DNAJC7: variants seen among roughly 807,000 people sequenced by gnomAD.
The protein encoded by DNAJC7 is dnaJ homolog subfamily C member 7.
Under a neutral mutation model 67.4 loss-of-function variants are expected in DNAJC7, and 18 were observed. The observed-to-expected ratio is 0.27, with a 90% confidence interval of 0.18 to 0.40. DNAJC7 has a LOEUF of 0.40. DNAJC7 is among the 10% of genes least tolerant of loss of function. The probability of loss-of-function intolerance (pLI) is 1.00; values close to 1 mark genes in which losing one functional copy is unlikely to be tolerated. For missense variants in DNAJC7, 419 were observed against 613.8 expected, an observed-to-expected ratio of 0.68 and a Z score of 3.35; for synonymous variants, 220 against 207.8, an observed-to-expected ratio of 1.06 and a Z score of -0.50.
At chr17:41,990,226 A>G (rs1009591292) in intron 6 of DNAJC7, 38 bp downstream of exon 6, 86 of 1,542,990 alleles carry the variant, frequency 5.6e-5, no homozygotes, top group Non-Finnish European at 7.3e-5. Flanking sequence ...GTCCAATGGT[A>G]TCTGGCATTT....
At chr17:42,015,988 A>G (rs1412058613) in intron 1 of DNAJC7, 4 of 152,226 alleles carry the variant, frequency 2.6e-5, no homozygotes, top group Non-Finnish European at 5.9e-5. Context: ...TTTGTTTCCC[A>G]TTGTGCAGCT....
At chr17:42,006,623 C>T (rs1364985108) in intron 1 of DNAJC7, among the ~76,000 whole-genome samples, 1 of 149,836 alleles carries the variant, frequency 6.7e-6, no homozygotes, top group Non-Finnish European at 1.5e-5. Flanking sequence ...ATGGTGAAAC[C>T]CCATCTCTAC....
intron 12 of DNAJC7, chr17:41,981,497 T>G: frequency 5.4e-6 from 1 of 185,560 alleles, no homozygotes; most frequent in Non-Finnish European, 1.1e-5. Flanking sequence ...CCCAGCCTAA[T>G]TTTTGTATTT....
intron 1 of DNAJC7, among the ~76,000 whole-genome samples, chr17:42,010,235 G>C (rs2052080106): frequency 6.6e-6 from 1 of 151,158 alleles, no homozygotes. Context: ...TATAATCCCA[G>C]CACTTTGGGA....
At position 42,017,360 on chromosome 17, in the gene DNAJC7, G is replaced by C. The variant is rs199672436; in HGVS notation, c.57C>G (p.Leu19=). 1.2e-6 allele frequency: 2 copies of C among 1,611,186 alleles called. No homozygotes were observed. Among genetic ancestry groups the C allele is most frequent in the Non-Finnish European group, 1.7e-6 (2 of 1,179,870 alleles). ...GTTACCTCTTCGCCTCTTGGTCGTC[G>C]AGCAGCTCCGGCTCGGTCGCCGCCA... ...VVMAATEPEL[L]DDQEAKREAE... The change falls in exon 1 of 14, where the codon CTC becomes CTG. Residue 19 remains leucine, a synonymous_variant. Transcript: ENST00000457167.
intron 9 of DNAJC7, among the ~76,000 whole-genome samples, chr17:41,986,290 C>G (rs2143153397): frequency 6.6e-6 from 1 of 152,060 alleles, no homozygotes; most frequent in South Asian, 2.1e-4. Flanking sequence ...CGCTTGAACT[C>G]AGGAGGTGGA....
intron 1 of DNAJC7, chr17:42,014,865 CTTTT>C (rs2052223931): frequency 6.6e-6 from 1 of 150,980 alleles, no homozygotes; most frequent in Admixed American, 6.6e-5. Flanking sequence ...AGTCTTTTTT[CTTTT>C]TTTAATTAAT....
chr17:41,998,272 A>C (rs2051714890), intron 2 of DNAJC7, among the ~76,000 whole-genome samples: 1 of 151,658 alleles, frequency 6.6e-6, no homozygotes, highest in Non-Finnish European at 1.5e-5. Context: ...GAGTTTTGAG[A>C]CCAGCCTGGC....
chr17:42,007,768 C>A (rs1408728059), intron 1 of DNAJC7, among the ~76,000 whole-genome samples: 1 of 151,768 alleles, frequency 6.6e-6, no homozygotes, highest in African/African-American at 2.4e-5. Context: ...AGGCAATCCA[C>A]CTCCTCAGCC....
chr17:41,995,281 T>C (rs2051625825), intron 4 of DNAJC7, among the ~76,000 whole-genome samples: 1 of 152,228 alleles, frequency 6.6e-6, no homozygotes, highest in Non-Finnish European at 1.5e-5. Context: ...TCAAGACTTC[T>C]TAACAGAAGG....
rs57155070 is a variant in DNAJC7 at position 42,006,796 on chromosome 17, C to CAAAAAAAAAA, written c.78-6236_78-6227dup. Among the ~76,000 whole-genome samples, 160 of 23,326 alleles carry CAAAAAAAAAA rather than the reference C, an allele frequency of 6.9e-3. 62 individuals carry two copies. The highest frequency in any genetic ancestry group is 0.018 in the African/African-American group (87 of 4,788). 15.3% of individuals were successfully genotyped at this position (23,326 alleles called of 152,430 possible). On this transcript the variant is annotated intron_variant, in intron 1 of 13. Coordinates refer to ENST00000457167, the MANE Select transcript of DNAJC7 (RefSeq NM_003315.4). Reference sequence around the variant, plus strand: ...TGGGCAACAGAGCAAGACTCCGTCTCAAAAAAAAAAAAAAAAAAAAAAGTC... The same window carrying CAAAAAAAAAA: ...TGGGCAACAGAGCAAGACTCCGTCTCAAAAAAAAAAAAAAAAAAAAAAAAAAAAAAAAGTC...
At chr17:41,993,943 T>C (rs1438403632) in intron 5 of DNAJC7, among the ~76,000 whole-genome samples, 1 of 150,452 alleles carries the variant, frequency 6.6e-6, no homozygotes. Flanking sequence ...CTCGGGAGGC[T>C]GAGGCAGGAC....
At position 42,017,407 on chromosome 17, in the gene DNAJC7, C is replaced by T. The variant is rs782177960; in HGVS notation, c.10G>A (p.Ala4Thr). MAA[A>T]AECDVVMAAT... ...GCCATTACCACATCGCACTCCGCGG[C>T]AGCCGCCATCTTACCGCCGGGACCA... Residue 4 changes from alanine to threonine, a missense_variant, in exon 1 of 14, where the codon GCC (alanine) becomes ACC (threonine). Around this residue, in one of 4 missense-constraint regions of DNAJC7, gnomAD observed 63 missense variants for 54.0 expected, o/e 1.17. Coordinates refer to ENST00000457167, the MANE Select transcript of DNAJC7 (RefSeq NM_003315.4). The T allele has an allele frequency of 1.2e-6, 2 of 1,608,182 alleles. No homozygotes were observed. The highest frequency in any genetic ancestry group is 1.7e-5 in the Admixed American group (1 of 60,032).
intron 4 of DNAJC7, among the ~76,000 whole-genome samples, chr17:41,996,068 T>C (rs2051650023): frequency 6.6e-6 from 1 of 152,262 alleles, no homozygotes; most frequent in African/African-American, 2.4e-5. Flanking sequence ...AGCATTTGCC[T>C]ATTCCCCAGC....
intron 11 of DNAJC7, 38 bp from the exon 12 acceptor site, chr17:41,982,045 A>G (rs782768033): frequency 1.1e-5 from 18 of 1,589,844 alleles, no homozygotes; most frequent in Admixed American, 3.8e-5. Context: ...AGTGGAAATC[A>G]AAGTTTCAAG....
chr17:42,001,911 C>T (rs1234780902), intron 1 of DNAJC7, among the ~76,000 whole-genome samples: 2 of 152,170 alleles, frequency 1.3e-5, no homozygotes, highest in Non-Finnish European at 2.9e-5. Context: ...ATGGGAATGA[C>T]CTATAAATGC....
At chr17:42,008,171 G>A (rs1555650602) in intron 1 of DNAJC7, among the ~76,000 whole-genome samples, 1 of 151,084 alleles carries the variant, frequency 6.6e-6, no homozygotes, top group Non-Finnish European at 1.5e-5. Context: ...AATTAGCCGG[G>A]CATGATGGAG....
intron 5 of DNAJC7, among the ~76,000 whole-genome samples, chr17:41,993,118 A>G (rs1186548258): frequency 3.9e-5 from 6 of 152,234 alleles, no homozygotes; most frequent in African/African-American, 1.4e-4. Flanking sequence ...TTACCAAATA[A>G]AAGACCATCA....
At position 42,011,960 on chromosome 17, in the gene DNAJC7, A is replaced by G. The variant is rs534793748; in HGVS notation, c.77+5380T>C. Among the ~76,000 whole-genome samples, 4 of 152,370 alleles carry G rather than the reference A, an allele frequency of 2.6e-5. No individual in the cohort carries two copies. In the East Asian group the frequency reaches 7.7e-4, roughly 29 times the overall value. On this transcript the variant is annotated intron_variant, in intron 1 of 13. Transcript: ENST00000457167. ...TTAACAATCTGAATAGAGAAATAAA[A>G]GGCAAAATCCTAATCGCAAAGAGTG...
Sources: gnomAD v4.1 joint callset for allele counts (sites outside exome capture counted in the v4.1 genomes callset) on GRCh38, gnomAD v4.1.1 for gene constraint, gnomAD v4.1.1 regional missense constraint, MANE v1.5 for transcripts, NCBI Gene and HGNC (gene_info 2026-07-23, HGNC 2026-07-21) for gene names.